LSAMP: variants seen among roughly 807,000 people sequenced by gnomAD.
LSAMP encodes limbic system-associated membrane protein.
In LSAMP, 7 loss-of-function variants were observed where a neutral mutation model predicts 38.6. The ratio of observed to expected loss-of-function variants is 0.18; its 90% confidence interval spans 0.10 to 0.34. LSAMP has a LOEUF of 0.34. Among genes scored for constraint, LSAMP ranks in the 10% least tolerant of loss-of-function variants. LSAMP has a pLI of 1.00. For synonymous variants in LSAMP, 154 were observed against 166.8 expected (o/e 0.92, Z 0.59); for missense variants, 313 against 420.0 (o/e 0.75, Z 2.23).
At position 115,870,401 on chromosome 3, in the gene LSAMP, A is replaced by G. The variant is rs551940180; in HGVS notation, c.515-17784T>C. Among the ~76,000 whole-genome samples, 12 of 152,302 alleles carry G rather than the reference A, an allele frequency of 7.9e-5. No homozygotes were observed. The South Asian group carries it at 1.5e-3, about 18-fold the overall frequency. ...GTAACATTCTATGACCTAGGCTCCAATAAATTATTTTCAAATAATTACAAT... is the reference window on the plus strand; with the variant it reads ...GTAACATTCTATGACCTAGGCTCCAGTAAATTATTTTCAAATAATTACAAT... On this transcript the variant is annotated intron_variant, in intron 3 of 6. Coordinates refer to ENST00000490035, the MANE Select transcript of LSAMP (RefSeq NM_002338.5).
At chr3:116,398,450 C>T (rs73861675) in intron 1 of LSAMP, among the ~76,000 whole-genome samples, 2,645 of 152,128 alleles carry the variant, frequency 0.017, 83 homozygotes, top group African/African-American at 0.061. Context: ...CATGAATCAA[C>T]GGATAATTTG....
At chr3:116,350,856 C>T (rs2048129316) in intron 1 of LSAMP, among the ~76,000 whole-genome samples, 1 of 151,964 alleles carries the variant, frequency 6.6e-6, no homozygotes, top group African/African-American at 2.4e-5. Flanking sequence ...GCTGGTTTTG[C>T]TGTCACTTTA....
chr3:116,091,845 T>G (rs764000821), intron 1 of LSAMP, among the ~76,000 whole-genome samples: 5 of 152,170 alleles, frequency 3.3e-5, no homozygotes, highest in Non-Finnish European at 7.3e-5. Flanking sequence ...GATCAGAGAA[T>G]ATCCTTCCGC....
At chr3:116,090,231 A>G (rs938050954) in intron 1 of LSAMP, among the ~76,000 whole-genome samples, 1 of 151,542 alleles carries the variant, frequency 6.6e-6, no homozygotes, top group African/African-American at 2.4e-5. Flanking sequence ...AAAAAGAAAG[A>G]GAAAGAAAAG....
intron 3 of LSAMP, among the ~76,000 whole-genome samples, chr3:115,995,918 A>G (rs569991289): frequency 5.9e-5 from 9 of 152,036 alleles, no homozygotes; most frequent in Non-Finnish European, 1.2e-4. Context: ...ATTAGAGAAA[A>G]CTTAGCTTGA....
chr3:115,834,737 T>C (rs914364900), intron 6 of LSAMP: 8 of 277,896 alleles, frequency 2.9e-5, no homozygotes, highest in African/African-American at 1.9e-4. Context: ...AAAACATTTG[T>C]CTGTACTTCC....
chr3:116,133,570 T>G (rs2107505530), intron 1 of LSAMP, among the ~76,000 whole-genome samples: 1 of 152,236 alleles, frequency 6.6e-6, no homozygotes. Flanking sequence ...GCCTTGGCAT[T>G]TCAAAGTTCT....
intron 6 of LSAMP, among the ~76,000 whole-genome samples, chr3:115,835,289 T>G (rs1467193714): frequency 6.6e-6 from 1 of 152,184 alleles, no homozygotes; most frequent in African/African-American, 2.4e-5. Context: ...TTGAGTATAA[T>G]AAGAAGTACT....
intron 2 of LSAMP, among the ~76,000 whole-genome samples, chr3:116,072,760 T>G (rs1178829971): frequency 6.6e-6 from 1 of 150,480 alleles, no homozygotes; most frequent in Non-Finnish European, 1.5e-5. Flanking sequence ...TGGTTTTTTT[T>G]TTTTTTTTTT....
At chr3:116,154,108 A>G (rs951567707) in intron 1 of LSAMP, among the ~76,000 whole-genome samples, 1 of 152,256 alleles carries the variant, frequency 6.6e-6, no homozygotes, top group African/African-American at 2.4e-5. Flanking sequence ...AGTTGTTCCA[A>G]GTAAAGTGCT....
chr3:115,816,958 C>A (rs544101049), intron 6 of LSAMP, among the ~76,000 whole-genome samples: 1 of 152,106 alleles, frequency 6.6e-6, no homozygotes, highest in African/African-American at 2.4e-5. Context: ...TACTCTTGAC[C>A]GCAATTTAGT....
At chr3:116,391,695 T>A (rs980894243) in intron 1 of LSAMP, among the ~76,000 whole-genome samples, 13 of 152,112 alleles carry the variant, frequency 8.5e-5, no homozygotes, top group African/African-American at 2.4e-4. Context: ...ATAGTACTGA[T>A]GGCAGCAGCA....
At chr3:115,858,122 C>T (rs1167641077) in intron 3 of LSAMP, among the ~76,000 whole-genome samples, 1 of 146,980 alleles carries the variant, frequency 6.8e-6, no homozygotes, top group Non-Finnish European at 1.5e-5. Context: ...CCTCTCCCTC[C>T]TTCCGTCCTC....
intron 1 of LSAMP, among the ~76,000 whole-genome samples, chr3:116,420,592 C>T (rs557335975): frequency 3.9e-5 from 6 of 151,930 alleles, no homozygotes; most frequent in Non-Finnish European, 7.4e-5. Context: ...TTGGGCCGGG[C>T]GCGGTGGCTC....
At chr3:115,978,144 C>A (rs1461860085) in intron 3 of LSAMP, among the ~76,000 whole-genome samples, 2 of 152,030 alleles carry the variant, frequency 1.3e-5, no homozygotes, top group Non-Finnish European at 2.9e-5. Context: ...GAGCTACAAA[C>A]ACCTGCCACC....
chr3:116,423,782 A>G lies in LSAMP; in HGVS notation c.155+21095T>C, dbSNP rs946622694. 2.6e-5 allele frequency among the ~76,000 whole-genome samples: 4 copies of G among 152,204 alleles called. No individual in the cohort carries two copies. In the East Asian group the frequency reaches 7.7e-4, roughly 29 times the overall value. On this transcript the variant is annotated intron_variant, in intron 1 of 6. Transcript: ENST00000490035. ...AGAGAGAGACCATCTTAATGTTCTC[A>G]CTGCGTTTTCCTCCTGTGATGTCTC...
chr3:116,347,936 A>AT (rs561804752), intron 1 of LSAMP, among the ~76,000 whole-genome samples: 4 of 152,070 alleles, frequency 2.6e-5, no homozygotes, highest in Non-Finnish European at 5.9e-5. Flanking sequence ...CTTAGCCAGT[A>AT]TTTTTTTACA....
At chr3:116,272,348 T>A (rs1348832227) in intron 1 of LSAMP, among the ~76,000 whole-genome samples, 1 of 151,972 alleles carries the variant, frequency 6.6e-6, no homozygotes, top group Non-Finnish European at 1.5e-5. Context: ...AGGCTCTGAG[T>A]TGGTGTTCTG....
chr3:116,093,966 G>A (rs932239188), intron 1 of LSAMP, among the ~76,000 whole-genome samples: 2 of 152,110 alleles, frequency 1.3e-5, no homozygotes, highest in African/African-American at 4.8e-5. Flanking sequence ...TTAAAATGTG[G>A]AATCAGAAAA....
Sources: gnomAD v4.1 joint callset for allele counts (sites outside exome capture counted in the v4.1 genomes callset) on GRCh38, gnomAD v4.1.1 for gene constraint, MANE v1.5 for transcripts, NCBI Gene and HGNC (gene_info 2026-07-23, HGNC 2026-07-21) for gene names.